Variants in HS6ST3 observed in about 807,000 individuals in gnomAD.
HS6ST3 encodes the protein heparan sulfate 6-O-sulfotransferase 3, also known as heparan-sulfate 6-O-sulfotransferase 3.
HS6ST3 carries 12 observed loss-of-function variants against 36.7 expected under a neutral mutation model. The ratio of observed to expected loss-of-function variants is 0.33; its 90% CI spans 0.21 to 0.53. HS6ST3 has a LOEUF of 0.53. Among genes scored for constraint, HS6ST3 ranks in the 20% least tolerant of loss-of-function variants. The pLI is 0.95. For synonymous variants in HS6ST3, 240 were observed against 257.5 expected (o/e 0.93, Z 0.65); for missense variants, 584 against 640.9 (o/e 0.91, Z 0.96).
chr13:96,836,618 T>C lies in HS6ST3; in HGVS notation c.*3420T>C, dbSNP rs1425896581. The C allele has an allele frequency of 6.6e-6, 1 of 152,184 alleles. No homozygotes were observed. Among genetic ancestry groups the C allele is most frequent in the African/African-American group, 2.4e-5 (1 of 41,438 alleles). The allele number at this position is 152,184 out of a possible 1,614,324, so 9.4% of individuals were successfully genotyped here. A position where few individuals can be genotyped will look rare whatever the true frequency, so the allele number is the denominator to read the frequency against. On this transcript the variant is annotated 3_prime_UTR_variant, in exon 2 of 2. Transcript: ENST00000376705. ...TTTGAAGTATGAGGACTCCTTGTTA[T>C]GCCTTTAAGGTAATTTTTAAAAAAA...
At chr13:96,509,827 G>A (rs1359625970) in intron 1 of HS6ST3, among the ~76,000 whole-genome samples, 1 of 152,048 alleles carries the variant, frequency 6.6e-6, no homozygotes, top group Non-Finnish European at 1.5e-5. Context: ...AGATATTTGG[G>A]CTCTTTTTTG....
chr13:96,411,380 T>A (rs1232495512), intron 1 of HS6ST3, among the ~76,000 whole-genome samples: 1 of 152,164 alleles, frequency 6.6e-6, no homozygotes, highest in African/African-American at 2.4e-5. Context: ...GGGGCTTACA[T>A]AGGCTGAAAT....
At chr13:96,547,083 C>A (rs1274245600) in intron 1 of HS6ST3, among the ~76,000 whole-genome samples, 1 of 152,186 alleles carries the variant, frequency 6.6e-6, no homozygotes, top group Non-Finnish European at 1.5e-5. Flanking sequence ...TTACCCCTGG[C>A]AACAGTTGGG....
intron 1 of HS6ST3, among the ~76,000 whole-genome samples, chr13:96,245,375 A>G (rs974525556): frequency 6.6e-6 from 1 of 152,220 alleles, no homozygotes; most frequent in Non-Finnish European, 1.5e-5. Context: ...ACCGTCTTCA[A>G]TGGATGTAAC....
intron 1 of HS6ST3, among the ~76,000 whole-genome samples, chr13:96,650,712 C>T (rs879708912): frequency 6.6e-6 from 1 of 151,882 alleles, no homozygotes; most frequent in Non-Finnish European, 1.5e-5. Flanking sequence ...CATGGGGAAC[C>T]GAGTGAGTGT....
intron 1 of HS6ST3, among the ~76,000 whole-genome samples, chr13:96,709,902 A>G (rs919753065): frequency 2.6e-5 from 4 of 152,214 alleles, no homozygotes; most frequent in African/African-American, 9.6e-5. Context: ...AGAAAATTCC[A>G]TCTTTCTTAT....
At chr13:96,742,953 C>G (rs554053094) in intron 1 of HS6ST3, among the ~76,000 whole-genome samples, 12 of 152,076 alleles carry the variant, frequency 7.9e-5, no homozygotes, top group Non-Finnish European at 1.8e-4. Flanking sequence ...AAACCCAGTT[C>G]AGATTGTCAG....
intron 1 of HS6ST3, among the ~76,000 whole-genome samples, chr13:96,279,791 T>C (rs2054766381): frequency 6.6e-6 from 1 of 152,198 alleles, no homozygotes. Context: ...TAATTCTGTA[T>C]TGGGAGTAAT....
At chr13:96,297,655 T>A (rs1031524722) in intron 1 of HS6ST3, among the ~76,000 whole-genome samples, 46 of 152,242 alleles carry the variant, frequency 3.0e-4, no homozygotes, top group Admixed American at 1.6e-3. Context: ...TTTTTCTAAG[T>A]ATAGTTCTCC....
chr13:96,491,760 C>T (rs969993325), intron 1 of HS6ST3, among the ~76,000 whole-genome samples: 2 of 152,148 alleles, frequency 1.3e-5, no homozygotes, highest in Non-Finnish European at 2.9e-5. Context: ...CATGCTAAAC[C>T]CTTCATGTAG....
At chr13:96,638,590 G>A (rs2056557879) in intron 1 of HS6ST3, among the ~76,000 whole-genome samples, 1 of 151,914 alleles carries the variant, frequency 6.6e-6, no homozygotes, top group African/African-American at 2.4e-5. Flanking sequence ...GTTCTCATGA[G>A]ATCTGATGGT....
At chr13:96,176,081 C>T (rs996892592) in intron 1 of HS6ST3, among the ~76,000 whole-genome samples, 13 of 152,002 alleles carry the variant, frequency 8.6e-5, no homozygotes, top group Admixed American at 5.9e-4. Flanking sequence ...CACCTGCCTC[C>T]GCCTCTCAAG....
intron 1 of HS6ST3, among the ~76,000 whole-genome samples, chr13:96,625,993 C>T (rs930723464): frequency 3.1e-5 from 4 of 127,230 alleles, no homozygotes; most frequent in Admixed American, 2.4e-4. Context: ...CCTGCCACTA[C>T]GCCCGGCTAA....
At chr13:96,196,555 A>T (rs77189699) in intron 1 of HS6ST3, among the ~76,000 whole-genome samples, 1 of 152,164 alleles carries the variant, frequency 6.6e-6, no homozygotes, top group East Asian at 1.9e-4. Flanking sequence ...TCTCAAGGCC[A>T]TGGGACCAGT....
chr13:96,214,182 A>G (rs1323985134), intron 1 of HS6ST3, among the ~76,000 whole-genome samples: 1 of 152,232 alleles, frequency 6.6e-6, no homozygotes, highest in African/African-American at 2.4e-5. Flanking sequence ...AAAAGGTGTC[A>G]TCATGCATGC....
chr13:96,625,219 T>A (rs950011448), intron 1 of HS6ST3, among the ~76,000 whole-genome samples: 2 of 152,230 alleles, frequency 1.3e-5, no homozygotes, highest in South Asian at 4.1e-4. Flanking sequence ...TCAACTCTCA[T>A]GACACTCGTG....
intron 1 of HS6ST3, among the ~76,000 whole-genome samples, chr13:96,688,898 AT>A (rs961409461): frequency 6.6e-6 from 1 of 151,996 alleles, no homozygotes; most frequent in Non-Finnish European, 1.5e-5. Flanking sequence ...TGAATCCTGC[AT>A]ATACTTAAAA....
chr13:96,776,631 G>T (rs766364217), intron 1 of HS6ST3, among the ~76,000 whole-genome samples: 1 of 152,122 alleles, frequency 6.6e-6, no homozygotes, highest in Non-Finnish European at 1.5e-5. Flanking sequence ...ACCCTCGCAA[G>T]ACTAAACCAG....
intron 1 of HS6ST3, among the ~76,000 whole-genome samples, chr13:96,397,825 C>T (rs2055429782): frequency 6.6e-6 from 1 of 150,612 alleles, no homozygotes; most frequent in Non-Finnish European, 1.5e-5. Context: ...CTTTACACAT[C>T]TCATTCTCAT....
Sources: gnomAD v4.1 joint callset for allele counts (sites outside exome capture counted in the v4.1 genomes callset) on GRCh38, gnomAD v4.1.1 for gene constraint, MANE v1.5 for transcripts, NCBI Gene and HGNC (gene_info 2026-07-23, HGNC 2026-07-21) for gene names.